Variants in PDE8B observed in about 807,000 individuals in gnomAD.
PDE8B encodes phosphodiesterase 8B.
PDE8B carries 26 observed loss-of-function variants against 101.3 expected under a neutral mutation model. That is an observed-to-expected ratio of 0.26 (90% CI 0.19 to 0.36). PDE8B has a LOEUF of 0.36. Ranked by LOEUF, PDE8B falls within the 10% of genes least tolerant of loss-of-function variation. The pLI, the probability that PDE8B is intolerant of heterozygous loss-of-function variation, is 1.00. For synonymous variants in PDE8B, 424 were observed against 429.3 expected (o/e 0.99, Z 0.15); for missense variants, 810 against 1,163.1 (o/e 0.70, Z 4.42).
At chr5:77,398,261 G>A (rs1791488473) in intron 10 of PDE8B, among the ~76,000 whole-genome samples, 1 of 149,628 alleles carries the variant, frequency 6.7e-6, no homozygotes, top group African/African-American at 2.5e-5. Flanking sequence ...TTGACTGTAG[G>A]GCCCTTAAAA....
intron 1 of PDE8B, among the ~76,000 whole-genome samples, chr5:77,282,861 C>T (rs775226593): frequency 1.3e-5 from 2 of 151,672 alleles, no homozygotes; most frequent in African/African-American, 2.4e-5. Context: ...GGATCCCCAT[C>T]GTGGAAGCAT....
chr5:77,365,986 G>A (rs1414841226), intron 10 of PDE8B, among the ~76,000 whole-genome samples: 1 of 152,166 alleles, frequency 6.6e-6, no homozygotes, highest in Non-Finnish European at 1.5e-5. Flanking sequence ...AGTGAGATTT[G>A]GGGACAAATA....
intron 1 of PDE8B, among the ~76,000 whole-genome samples, chr5:77,265,705 CTA>C (rs1381588754): frequency 6.6e-6 from 1 of 152,046 alleles, no homozygotes; most frequent in African/African-American, 2.4e-5. Context: ...TGGGGTTATC[CTA>C]TGTTTGTCAT....
At chr5:77,362,839 G>A (rs1783374188) in intron 10 of PDE8B, among the ~76,000 whole-genome samples, 1 of 152,128 alleles carries the variant, frequency 6.6e-6, no homozygotes, top group Admixed American at 6.5e-5. Flanking sequence ...TTGGTCCCCT[G>A]AGCCAGGTCA....
the PDE8B span, among the ~76,000 whole-genome samples, chr5:77,161,966 T>TC: frequency 1.3e-5 from 2 of 151,938 alleles, no homozygotes; most frequent in East Asian, 3.9e-4. Context: ...TAATTTTTTT[T>TC]CTTTTTTTTT....
chr5:77,347,072 T>C (rs1009642005), intron 7 of PDE8B, among the ~76,000 whole-genome samples: 4 of 152,186 alleles, frequency 2.6e-5, no homozygotes, highest in Admixed American at 2.0e-4. Flanking sequence ...TATCCACCCA[T>C]CCATTCCTCC....
At chr5:77,200,971 C>A in the PDE8B span, among the ~76,000 whole-genome samples, 1 of 152,186 alleles carries the variant, frequency 6.6e-6, no homozygotes, top group Non-Finnish European at 1.5e-5. Context: ...AGACTTTCTG[C>A]CACAAGCTTC....
intron 1 of PDE8B, among the ~76,000 whole-genome samples, chr5:77,248,360 G>A (rs2149598712): frequency 6.6e-6 from 1 of 152,292 alleles, no homozygotes; most frequent in East Asian, 1.9e-4. Flanking sequence ...CTATTTGGAT[G>A]GGAAGCAAAG....
intron 1 of PDE8B, among the ~76,000 whole-genome samples, chr5:77,229,092 G>A (rs944484793): frequency 6.6e-6 from 1 of 152,146 alleles, no homozygotes; most frequent in African/African-American, 2.4e-5. Context: ...GTTTATGTAA[G>A]TTTGTAAATT....
intron 10 of PDE8B, among the ~76,000 whole-genome samples, chr5:77,364,052 G>A (rs954782443): frequency 2.0e-5 from 3 of 152,182 alleles, no homozygotes; most frequent in Non-Finnish European, 4.4e-5. Flanking sequence ...GGAGTGAAAA[G>A]CTAAGAGAGT....
intron 4 of PDE8B, among the ~76,000 whole-genome samples, chr5:77,329,691 G>A (rs1042161087): frequency 6.6e-6 from 1 of 152,246 alleles, no homozygotes; most frequent in Admixed American, 6.5e-5. Context: ...AAAGTTGTCT[G>A]TGCAAGCTGC....
intron 6 of PDE8B, among the ~76,000 whole-genome samples, chr5:77,339,489 G>A (rs1018260628): frequency 6.6e-6 from 1 of 151,980 alleles, no homozygotes; most frequent in Non-Finnish European, 1.5e-5. Flanking sequence ...ATATTCCCAG[G>A]TATTCTGTAT....
intron 1 of PDE8B, among the ~76,000 whole-genome samples, chr5:77,235,891 T>C (rs912021545): frequency 3.9e-5 from 6 of 152,062 alleles, no homozygotes; most frequent in Non-Finnish European, 7.4e-5. Flanking sequence ...GAAAAAAAAT[T>C]TAACAACCTT....
chr5:77,378,028 ACACACACACACACACACAC>A (rs1786563941), intron 10 of PDE8B, among the ~76,000 whole-genome samples: 1 of 127,560 alleles, frequency 7.8e-6, no homozygotes, highest in African/African-American at 3.2e-5. Context: ...ACACACACAC[ACACACACACACACACACAC>A]ACCCCCTGTT....
At chr5:77,279,467 C>T (rs936303915) in intron 1 of PDE8B, among the ~76,000 whole-genome samples, 1 of 152,170 alleles carries the variant, frequency 6.6e-6, no homozygotes, top group Non-Finnish European at 1.5e-5. Flanking sequence ...GTCCTTATAG[C>T]CAGAAAGCAC....
chr5:77,162,265 G>A, the PDE8B span, among the ~76,000 whole-genome samples: 1 of 152,030 alleles, frequency 6.6e-6, no homozygotes. Context: ...ATACTACTGA[G>A]AGAAATTAAA....
chr5:77,099,769 C>G, the PDE8B span, among the ~76,000 whole-genome samples: 2 of 152,076 alleles, frequency 1.3e-5, no homozygotes, highest in Non-Finnish European at 2.9e-5. Flanking sequence ...GTCACCACAC[C>G]CAGCTAATTT....
chr5:77,346,640 T>G (rs1780204443), intron 7 of PDE8B, among the ~76,000 whole-genome samples: 1 of 152,188 alleles, frequency 6.6e-6, no homozygotes, highest in Non-Finnish European at 1.5e-5. Flanking sequence ...AGCAGGAGCA[T>G]GAGGCCAGTA....
At chr5:77,286,835 C>A (rs887413446) in intron 1 of PDE8B, among the ~76,000 whole-genome samples, 1 of 152,044 alleles carries the variant, frequency 6.6e-6, no homozygotes, top group Admixed American at 6.6e-5. Context: ...TATTAGTTAA[C>A]TCCCTGTTTA....
Sources: allele counts gnomAD v4.1 joint callset (sites outside exome capture counted in the v4.1 genomes callset), GRCh38; gene constraint gnomAD v4.1.1; transcripts MANE v1.5; gene names NCBI Gene and HGNC (gene_info 2026-07-23, HGNC 2026-07-21).